GATAD2A: variants seen among roughly 807,000 people sequenced by gnomAD.
The protein encoded by GATAD2A is transcriptional repressor p66-alpha.
Under a neutral mutation model 68.5 loss-of-function variants are expected in GATAD2A, and 12 were observed. That is an observed-to-expected ratio of 0.18 (90% CI 0.11 to 0.28). The LOEUF is 0.28. Among genes scored for constraint, GATAD2A ranks in the 10% least tolerant of loss-of-function variants. The probability of loss-of-function intolerance (pLI) is 1.00; values close to 1 mark genes in which losing one functional copy is unlikely to be tolerated. For synonymous variants in GATAD2A, 410 were observed against 375.3 expected, an observed-to-expected ratio of 1.09 and a Z score of -1.07; for missense variants, 755 against 868.5, an observed-to-expected ratio of 0.87 and a Z score of 1.64.
chr19:19,415,100 A>G (rs1393375337), intron 1 of GATAD2A, among the ~76,000 whole-genome samples: 1 of 65,196 alleles, frequency 1.5e-5, no homozygotes, highest in Non-Finnish European at 2.9e-5. Context: ...CCCTCCCCCC[A>G]AAAAAACCCC....
At chr19:19,444,872 T>TAAAA (rs10641522) in intron 1 of GATAD2A, among the ~76,000 whole-genome samples, 16 of 123,162 alleles carry the variant, frequency 1.3e-4, no homozygotes, top group African/African-American at 3.8e-4. Context: ...CCTCGTCCCT[T>TAAAA]AAAAAAAAAA....
At chr19:19,479,984 C>T (rs2058945962) in intron 2 of GATAD2A, among the ~76,000 whole-genome samples, 1 of 151,760 alleles carries the variant, frequency 6.6e-6, no homozygotes, top group South Asian at 2.1e-4. Flanking sequence ...ATTACAGGCA[C>T]TTTAGAGAAG....
At chr19:19,504,947 A>G (rs923127961) in intron 11 of GATAD2A, among the ~76,000 whole-genome samples, 1 of 152,098 alleles carries the variant, frequency 6.6e-6, no homozygotes, top group Non-Finnish European at 1.5e-5. Context: ...CCCAGCTAAG[A>G]TAGTTTTTCA....
At chr19:19,436,955 T>C (rs560121662) in intron 1 of GATAD2A, among the ~76,000 whole-genome samples, 1 of 152,150 alleles carries the variant, frequency 6.6e-6, no homozygotes, top group African/African-American at 2.4e-5. Flanking sequence ...GGTCACGCAG[T>C]GTGAGATGTG....
At chr19:19,475,971 C>G (rs1052176463) in intron 2 of GATAD2A, among the ~76,000 whole-genome samples, 1 of 152,192 alleles carries the variant, frequency 6.6e-6, no homozygotes, top group Non-Finnish European at 1.5e-5. Flanking sequence ...TGAGCCGGCC[C>G]GGTGCCAGGT....
intron 1 of GATAD2A, among the ~76,000 whole-genome samples, chr19:19,455,450 G>A (rs1669582964): frequency 6.6e-6 from 1 of 151,884 alleles, no homozygotes. Context: ...AGATTGTGCC[G>A]CGCCACTCCA....
chr19:19,487,044 T>C (rs2059485380), intron 2 of GATAD2A, among the ~76,000 whole-genome samples: 2 of 152,146 alleles, frequency 1.3e-5, no homozygotes, highest in Non-Finnish European at 2.9e-5. Context: ...AAGGAGCTAC[T>C]CCACAGGAGC....
intron 2 of GATAD2A, among the ~76,000 whole-genome samples, chr19:19,486,182 T>C (rs2059415800): frequency 6.6e-6 from 1 of 152,154 alleles, no homozygotes; most frequent in Admixed American, 6.5e-5. Context: ...TTACTGAGAT[T>C]GTCTGCTCTG....
At chr19:19,504,335 A>G (rs980005873) in intron 11 of GATAD2A, among the ~76,000 whole-genome samples, 1 of 152,234 alleles carries the variant, frequency 6.6e-6, no homozygotes, top group Non-Finnish European at 1.5e-5. Context: ...ATACAGAGAG[A>G]AAAGACTGTG....
chr19:19,494,504 G>C, intron 5 of GATAD2A, 121 bp downstream of exon 5: 1 of 610,242 alleles, frequency 1.6e-6, no homozygotes, highest in Non-Finnish European at 2.9e-6. Context: ...CTTTCCTTCT[G>C]AGTAGGCTGG....
chr19:19,457,557 G>A (rs891834756), intron 1 of GATAD2A, among the ~76,000 whole-genome samples: 2 of 152,042 alleles, frequency 1.3e-5, no homozygotes, highest in East Asian at 1.9e-4. Context: ...TGGCTAACAC[G>A]GTGAAACCCT....
At chr19:19,474,138 T>G (rs1461584117) in intron 2 of GATAD2A, 1 of 985,260 alleles carries the variant, frequency 1.0e-6, no homozygotes, top group African/African-American at 1.7e-5. Context: ...ACATAATTTT[T>G]GCAAGATGTC....
At chr19:19,481,037 A>G (rs2059021746) in intron 2 of GATAD2A, among the ~76,000 whole-genome samples, 1 of 152,186 alleles carries the variant, frequency 6.6e-6, no homozygotes, top group African/African-American at 2.4e-5. Context: ...GGAAGCTGGC[A>G]TCTCTCCCAG....
chr19:19,397,124 A>G (rs866281417), intron 1 of GATAD2A, among the ~76,000 whole-genome samples: 2 of 152,262 alleles, frequency 1.3e-5, no homozygotes, highest in Non-Finnish European at 2.9e-5. Context: ...ATGCTCTTCT[A>G]AAAGTCAGAG....
intron 1 of GATAD2A, among the ~76,000 whole-genome samples, chr19:19,390,490 A>G (rs1229003995): frequency 1.3e-5 from 2 of 152,120 alleles, no homozygotes; most frequent in Admixed American, 1.3e-4. Context: ...CCACTCCCCT[A>G]CTGCGTCTCT....
intron 9 of GATAD2A, 32 bp from the exon 10 acceptor site, chr19:19,501,937 A>G (rs1318067290): frequency 2.5e-5 from 40 of 1,590,748 alleles, no homozygotes; most frequent in Admixed American, 5.0e-5. Flanking sequence ...AGCGGACCGC[A>G]CTGACTTTGC....
At chr19:19,397,761 C>T (rs771485156) in intron 1 of GATAD2A, among the ~76,000 whole-genome samples, 6 of 150,012 alleles carry the variant, frequency 4.0e-5, no homozygotes, top group African/African-American at 7.4e-5. Flanking sequence ...GAGACAGAGT[C>T]GCACTCCGTT....
intron 1 of GATAD2A, among the ~76,000 whole-genome samples, chr19:19,408,428 T>C (rs1012262010): frequency 7.9e-5 from 12 of 152,160 alleles, no homozygotes; most frequent in African/African-American, 2.7e-4. Flanking sequence ...TAGGAAAAAA[T>C]CCTGGAAGGA....
intron 2 of GATAD2A, among the ~76,000 whole-genome samples, chr19:19,471,252 CAAAA>C (rs536811641): frequency 2.8e-5 from 3 of 105,472 alleles, no homozygotes; most frequent in Non-Finnish European, 4.2e-5. Context: ...AAGACTGTCT[CAAAA>C]AAAAAAAAAA....
Sources: gnomAD v4.1 joint callset for allele counts (sites outside exome capture counted in the v4.1 genomes callset) on GRCh38, gnomAD v4.1.1 for gene constraint, MANE v1.5 for transcripts, NCBI Gene and HGNC (gene_info 2026-07-23, HGNC 2026-07-21) for gene names.